The following PCDH10 variants were observed in gnomAD, a reference collection of about 807,000 sequenced individuals.
PCDH10 encodes the protein protocadherin 10, also known as protocadherin-10.
In PCDH10, 15 loss-of-function variants were observed where a neutral mutation model predicts 74.4. That is an observed-to-expected ratio of 0.20 (90% CI 0.13 to 0.31). PCDH10 has a LOEUF of 0.31. PCDH10 is among the 10% of genes least tolerant of loss of function. The probability of loss-of-function intolerance (pLI) is 1.00; values close to 1 mark genes in which losing one functional copy is unlikely to be tolerated. For missense variants in PCDH10, 1,260 were observed against 1,390.2 expected, an observed-to-expected ratio of 0.91 and a Z score of 1.49; for synonymous variants, 619 against 589.8, an observed-to-expected ratio of 1.05 and a Z score of -0.72.
chr4:133,156,194 G>A (rs544399010), intron 3 of PCDH10, among the ~76,000 whole-genome samples: 40 of 152,278 alleles, frequency 2.6e-4, no homozygotes, highest in African/African-American at 4.1e-4. Context: ...AAAGGGCAGC[G>A]TACACCCCAT....
chr4:133,195,910 G>T (rs1316757912), downstream of PCDH10, among the ~76,000 whole-genome samples: 1 of 152,062 alleles, frequency 6.6e-6, no homozygotes, highest in Non-Finnish European at 1.5e-5. Context: ...GAAAAGCACT[G>T]CACCATATGA....
At chr4:133,183,673 T>C (rs1249946754) in intron 4 of PCDH10, among the ~76,000 whole-genome samples, 2 of 152,168 alleles carry the variant, frequency 1.3e-5, no homozygotes, top group Admixed American at 1.3e-4. Flanking sequence ...ATCTCCCAGA[T>C]AATGAAGTAA....
intron 4 of PCDH10, among the ~76,000 whole-genome samples, chr4:133,169,124 A>G (rs556464109): frequency 3.3e-5 from 5 of 151,720 alleles, no homozygotes; most frequent in African/African-American, 9.6e-5. Context: ...TTTTAATTAC[A>G]CCCCATTCTT....
chr4:133,201,979 T>C (rs1366788490), intron 2 of PCDH10, among the ~76,000 whole-genome samples: 2 of 151,946 alleles, frequency 1.3e-5, no homozygotes, highest in Non-Finnish European at 2.9e-5. Flanking sequence ...GAGGCTCTCT[T>C]GGTTATACAA....
chr4:133,184,013 A>G (rs1270216343), intron 4 of PCDH10, among the ~76,000 whole-genome samples: 1 of 152,158 alleles, frequency 6.6e-6, no homozygotes. Flanking sequence ...ATTGCAAACT[A>G]TGTTGTAAGT....
chr4:133,178,518 G>C (rs935691447), intron 4 of PCDH10, among the ~76,000 whole-genome samples: 1 of 151,206 alleles, frequency 6.6e-6, no homozygotes, highest in Non-Finnish European at 1.5e-5. Flanking sequence ...TTACAGGCAT[G>C]AGCCACCCGG....
At position 133,176,974 on chromosome 4, in the gene PCDH10, CA is replaced by C. The variant is rs11309914; in HGVS notation, c.3104-13158del. 4.7e-3 allele frequency among the ~76,000 whole-genome samples: 699 copies of C among 149,522 alleles called. 5 individuals are homozygous for C. The highest frequency in any genetic ancestry group is 0.016 in the African/African-American group (651 of 40,816). On this transcript the variant is annotated intron_variant, in intron 4 of 4. Transcript: ENST00000264360. ...AATAAAGGATTTCTATTTGCTCAGG[CA>C]AAAAAAAATTAAAATAATGAAAATC...
chr4:133,198,660 G>C (rs146601793), downstream of PCDH10, among the ~76,000 whole-genome samples: 370 of 152,204 alleles, frequency 2.4e-3, 1 homozygote, highest in Non-Finnish European at 3.8e-3. Flanking sequence ...AACCAGAATA[G>C]GGGAAAATTG....
intron 4 of PCDH10, among the ~76,000 whole-genome samples, chr4:133,175,475 A>G (rs967887778): frequency 2.0e-5 from 3 of 152,134 alleles, no homozygotes; most frequent in African/African-American, 4.8e-5. Context: ...GGCCTGGAGT[A>G]TAGGAAAATG....
downstream of PCDH10, among the ~76,000 whole-genome samples, chr4:133,196,410 A>G (rs1727795673): frequency 6.6e-6 from 1 of 152,168 alleles, no homozygotes; most frequent in South Asian, 2.1e-4. Context: ...GGGGGCCACA[A>G]GACTGGATGC....
chr4:133,176,215 C>T (rs905375359), intron 4 of PCDH10, among the ~76,000 whole-genome samples: 1 of 152,068 alleles, frequency 6.6e-6, no homozygotes, highest in African/African-American at 2.4e-5. Context: ...CATGTTCTCA[C>T]ATCAGAGAAG....
chr4:133,167,552 C>T (rs1209808838), intron 4 of PCDH10, among the ~76,000 whole-genome samples: 1 of 151,354 alleles, frequency 6.6e-6, no homozygotes, highest in Non-Finnish European at 1.5e-5. Flanking sequence ...TATAGAAGGC[C>T]TTGCTTTCAT....
rs1181583289 is a variant in PCDH10, at chr4:133,152,178, G to C, written c.2038G>C (p.Asp680His). ...STATLVVQLVDGAVEPQGGGG... is the reference protein window; with the variant it reads ...STATLVVQLVHGAVEPQGGGG... ...CGCCACCCTGGTGGTTCAGCTGGTG[G>C]ATGGCGCCGTGGAGCCCCAGGGCGG... is the stretch of plus-strand genomic sequence containing the variant. Residue 680 changes from aspartate (D) to histidine (H), a missense_variant, in exon 1 of 5, where the codon GAT becomes CAT. Around this residue, in one of 11 missense-constraint regions of PCDH10, gnomAD observed 587 missense variants for 616.9 expected, o/e 0.95. Coordinates refer to ENST00000264360, the MANE Select transcript of PCDH10 (RefSeq NM_032961.3). The C allele has an allele frequency of 6.4e-7, 1 of 1,571,542 alleles. No homozygotes were observed. Among genetic ancestry groups the C allele is most frequent in the Non-Finnish European group, 8.6e-7 (1 of 1,159,286 alleles).
Position 133,152,558 on chromosome 4 carries a change from G to T in PCDH10, c.2418G>T (p.Glu806Asp). 1.9e-6 allele frequency: 3 copies of T among 1,614,162 alleles called. No homozygotes were observed. Among genetic ancestry groups the T allele is most frequent in the South Asian group, 1.1e-5 (1 of 91,084 alleles). ...ACCCGGCCCAGGTGCCGATAGAGGA[G>T]TCCGGGGGCTTTGGCTCCCACCACC... The part of the protein sequence containing the change: ...PSNPAQVPIE[E>D]SGGFGSHHHN... The change falls in exon 1 of 5, where the codon GAG becomes GAT. Residue 806 changes from glutamate (E) to aspartate (D), a missense_variant. Transcript: ENST00000264360.
At chr4:133,196,542 G>T (rs192509464), downstream of PCDH10, among the ~76,000 whole-genome samples, 1 of 152,290 alleles carries the variant, frequency 6.6e-6, no homozygotes, top group East Asian at 1.9e-4. Flanking sequence ...TTCAGAAAAG[G>T]TCAGAATCTT....
intron 1 of PCDH10, chr4:133,153,365 C>T (rs1275854440): frequency 3.5e-6 from 2 of 566,342 alleles, no homozygotes; most frequent in East Asian, 2.9e-4. Context: ...TTTACAGACG[C>T]TCTTGAAGCC....
Position 133,151,501 on chromosome 4 carries a change from C to A in PCDH10, c.1361C>A (p.Ser454Ter). ...STSKSIQVQV[S>*]DVNDNAPRFS... Reference sequence around the variant, plus strand: ...AGTAAGTCGATCCAGGTACAAGTGTCGGATGTGAACGACAACGCGCCGCGT... The same window carrying A: ...AGTAAGTCGATCCAGGTACAAGTGTAGGATGTGAACGACAACGCGCCGCGT... Residue 454 changes from serine to a stop codon, truncating the protein, a stop_gained, in exon 1 of 5, where the codon TCG becomes TAG. Coordinates refer to ENST00000264360, the MANE Select transcript of PCDH10 (RefSeq NM_032961.3). LOFTEE classifies it high-confidence loss of function. 6.2e-7 allele frequency: 1 copy of A among 1,613,774 alleles called. No homozygotes were observed. Among genetic ancestry groups the A allele is most frequent in the Non-Finnish European group, 8.5e-7 (1 of 1,179,980 alleles).
At chr4:133,153,313 CTCGGGTTGCAAAAAAAGCCTTCAGT>C in intron 1 of PCDH10, 1 of 989,770 alleles carries the variant, frequency 1.0e-6, no homozygotes. Flanking sequence ...CTCCTCTGAA[CTCGGGTTGCAAAAAAAGCCTTCAGT>C]TCGGCTCTGG....
downstream of PCDH10, among the ~76,000 whole-genome samples, chr4:133,198,065 T>G (rs1428228040): frequency 1.3e-5 from 2 of 151,122 alleles, no homozygotes; most frequent in Non-Finnish European, 2.9e-5. Flanking sequence ...AAAGATAATA[T>G]TATAGGTAAA....
Sources: allele counts gnomAD v4.1 joint callset (sites outside exome capture counted in the v4.1 genomes callset), GRCh38; gene constraint gnomAD v4.1.1; regional missense constraint gnomAD v4.1.1; transcripts MANE v1.5; gene names NCBI Gene and HGNC (gene_info 2026-07-23, HGNC 2026-07-21).